The following STARD13 variants were observed in gnomAD, a reference collection of about 807,000 sequenced individuals.
The protein encoded by STARD13 is StAR related lipid transfer domain containing 13.
A neutral mutation model predicts 106.4 loss-of-function variants in STARD13; 62 were observed. The ratio of observed to expected loss-of-function variants is 0.58; its 90% CI spans 0.48 to 0.72. The LOEUF is 0.72. Among genes scored for constraint, STARD13 ranks in the 30% least tolerant of loss-of-function variants. STARD13 has a pLI of 0.00. For synonymous variants in STARD13, 565 were observed against 553.0 expected (o/e 1.02, Z -0.31); for missense variants, 1,387 against 1,424.0 (o/e 0.97, Z 0.42).
intron 4 of STARD13, among the ~76,000 whole-genome samples, chr13:33,132,471 T>TG (rs1878455757): frequency 6.6e-6 from 1 of 152,248 alleles, no homozygotes. Context: ...CCACCATGAT[T>TG]GTGAGGCCTG....
At chr13:33,628,148 A>AC in the STARD13 span, among the ~76,000 whole-genome samples, 1 of 133,398 alleles carries the variant, frequency 7.5e-6, no homozygotes, top group Non-Finnish European at 1.6e-5. Context: ...TCTCTTGTAA[A>AC]ACACACACAC....
chr13:33,552,516 C>T, the STARD13 span, among the ~76,000 whole-genome samples: 1 of 152,284 alleles, frequency 6.6e-6, no homozygotes, highest in African/African-American at 2.4e-5. Context: ...CATTCTAAGA[C>T]TAGATTGTGG....
upstream of STARD13, among the ~76,000 whole-genome samples, chr13:33,353,976 C>T (rs2078103528): frequency 6.6e-6 from 1 of 152,200 alleles, no homozygotes; most frequent in African/African-American, 2.4e-5. Flanking sequence ...ATGAATGATT[C>T]TACTCTAGGG....
At chr13:33,242,656 G>T (rs1000435684) in intron 1 of STARD13, among the ~76,000 whole-genome samples, 1 of 151,842 alleles carries the variant, frequency 6.6e-6, no homozygotes, top group African/African-American at 2.4e-5. Context: ...AGAGACCTTT[G>T]TTCACATGTT....
the STARD13 span, among the ~76,000 whole-genome samples, chr13:33,476,419 CTCTTTTAAATAG>C: frequency 6.6e-6 from 1 of 152,178 alleles, no homozygotes; most frequent in African/African-American, 2.4e-5. Flanking sequence ...ATGTGTGACA[CTCTTTTAAATAG>C]CTAAAAAGAA....
chr13:33,606,932 C>G, the STARD13 span, among the ~76,000 whole-genome samples: 347 of 152,280 alleles, frequency 2.3e-3, 5 homozygotes, highest in African/African-American at 7.5e-3. Context: ...ACTTTAGGAC[C>G]CTTTCATTTA....
the STARD13 span, among the ~76,000 whole-genome samples, chr13:33,655,209 G>C: frequency 1.3e-5 from 2 of 152,198 alleles, no homozygotes; most frequent in Non-Finnish European, 2.9e-5. Context: ...CTCTTTAGTG[G>C]ATGGGCATAA....
In STARD13 at chr13:33,183,191, C is replaced by T. The variant is rs569940836; in HGVS notation, c.170-15569G>A. On this transcript the variant is annotated intron_variant, in intron 1 of 13. Coordinates refer to ENST00000336934, the MANE Select transcript of STARD13 (RefSeq NM_178006.4). ...AATGTTCTTGTTACACATCTCTCTCCCCCATTAGACCACAGCTCTTTGAGG... is the reference window on the plus strand; with the variant it reads ...AATGTTCTTGTTACACATCTCTCTCTCCCATTAGACCACAGCTCTTTGAGG... Among the ~76,000 whole-genome samples, 12 of 152,298 alleles carry T rather than the reference C, an allele frequency of 7.9e-5. No individual in the cohort carries two copies. The South Asian group carries it at 2.3e-3, about 29-fold the overall frequency.
At chr13:33,445,198 T>C in the STARD13 span, among the ~76,000 whole-genome samples, 1 of 152,126 alleles carries the variant, frequency 6.6e-6, no homozygotes, top group Non-Finnish European at 1.5e-5. Flanking sequence ...AAGGGCCCAT[T>C]TTTTCCTAAT....
At chr13:33,245,055 T>C (rs1767421418) in intron 1 of STARD13, among the ~76,000 whole-genome samples, 1 of 152,180 alleles carries the variant, frequency 6.6e-6, no homozygotes, top group Admixed American at 6.5e-5. Flanking sequence ...GTTCCAGACA[T>C]GTCCAATTAT....
intron 1 of STARD13, among the ~76,000 whole-genome samples, chr13:33,323,727 G>A (rs1893641576): frequency 6.6e-6 from 1 of 152,122 alleles, no homozygotes; most frequent in South Asian, 2.1e-4. Context: ...ATGGATTCTG[G>A]CAGAAAACAT....
intron 1 of STARD13, among the ~76,000 whole-genome samples, chr13:33,304,592 C>G (rs1026029920): frequency 6.6e-6 from 1 of 152,158 alleles, no homozygotes; most frequent in Non-Finnish European, 1.5e-5. Flanking sequence ...AACTTTAATG[C>G]ATGAGTTTTA....
At chr13:33,412,284 G>A in the STARD13 span, among the ~76,000 whole-genome samples, 1 of 152,132 alleles carries the variant, frequency 6.6e-6, no homozygotes, top group South Asian at 2.1e-4. Context: ...CAATGTCATA[G>A]AAATATGGTG....
At chr13:33,604,432 A>T in the STARD13 span, among the ~76,000 whole-genome samples, 12 of 152,354 alleles carry the variant, frequency 7.9e-5, no homozygotes, top group East Asian at 1.9e-3. Context: ...AAGAAAAAGA[A>T]CAAATATTTT....
the STARD13 span, among the ~76,000 whole-genome samples, chr13:33,518,403 C>T: frequency 6.6e-6 from 1 of 152,084 alleles, no homozygotes; most frequent in Non-Finnish European, 1.5e-5. Context: ...TAGAAAGCCG[C>T]CTACCTGTGG....
chr13:33,464,069 G>GCATA, the STARD13 span, among the ~76,000 whole-genome samples: 1 of 123,940 alleles, frequency 8.1e-6, no homozygotes, highest in Non-Finnish European at 1.8e-5. Context: ...ATGTATGTAT[G>GCATA]CATAGCATTA....
the STARD13 span, among the ~76,000 whole-genome samples, chr13:33,364,028 A>C: frequency 1.3e-5 from 2 of 152,242 alleles, no homozygotes; most frequent in Non-Finnish European, 2.9e-5. Flanking sequence ...GAAATTTCAT[A>C]ATAGCCATGC....
chr13:33,438,696 C>T, the STARD13 span, among the ~76,000 whole-genome samples: 3 of 152,134 alleles, frequency 2.0e-5, no homozygotes, highest in Admixed American at 6.5e-5. Flanking sequence ...TGCAAATCTC[C>T]CCAAGAGCTG....
upstream of STARD13, among the ~76,000 whole-genome samples, chr13:33,353,017 C>T (rs1312351733): frequency 6.6e-6 from 1 of 152,184 alleles, no homozygotes; most frequent in Non-Finnish European, 1.5e-5. Context: ...AGGTGTTGCT[C>T]TTCCAGCCCG....
Sources: allele counts gnomAD v4.1 joint callset (sites outside exome capture counted in the v4.1 genomes callset), GRCh38; gene constraint gnomAD v4.1.1; transcripts MANE v1.5; gene names NCBI Gene and HGNC (gene_info 2026-07-23, HGNC 2026-07-21).